RASGRP3: variants seen among roughly 807,000 people sequenced by gnomAD.
RASGRP3 encodes RAS guanyl releasing protein 3, also known as ras guanyl-releasing protein 3.
In RASGRP3, 54 loss-of-function variants were observed where a neutral mutation model predicts 82.7. The observed-to-expected ratio is 0.65, with a 90% CI of 0.52 to 0.82. The LOEUF is 0.82. Among genes scored for constraint, RASGRP3 ranks in the 40% least tolerant of loss-of-function variants. The pLI, the probability that RASGRP3 is intolerant of heterozygous loss-of-function variation, is 0.00. For synonymous variants in RASGRP3, 309 were observed against 300.5 expected (o/e 1.03, Z -0.29); for missense variants, 861 against 828.9 (o/e 1.04, Z -0.48).
At chr2:33,508,443 T>C (rs930320756) in intron 1 of RASGRP3, among the ~76,000 whole-genome samples, 5 of 152,106 alleles carry the variant, frequency 3.3e-5, no homozygotes, top group East Asian at 3.9e-4. Context: ...AAGGGATCCA[T>C]GCACAGGTGG....
rs139952399 is a variant in RASGRP3, at chr2:33,535,793, A to G, written c.1161+1393A>G. ...AGCAAGAGTAAGAAAGCTAGCAAGA[A>G]AGCCAAAGCTATTGAAAACCAAAAA... is the stretch of plus-strand genomic sequence containing the variant. On this transcript the variant is annotated intron_variant, in intron 11 of 17. Transcript: ENST00000403687. 2.1e-3 allele frequency among the ~76,000 whole-genome samples: 324 copies of G among 152,362 alleles called. 2 individuals carry two copies. Among genetic ancestry groups the G allele is most frequent in the African/African-American group, 7.5e-3 (310 of 41,580 alleles).
At position 33,499,949 on chromosome 2, in the gene RASGRP3, G is replaced by A. The variant is rs72865987; in HGVS notation, c.-260-11761G>A. On this transcript the variant is annotated intron_variant, in intron 1 of 17. Transcript: ENST00000403687. Reference sequence around the variant, plus strand: ...TCTTAAGCCATTGGAGAGACCGACAGAACCATTCAGTAACATAAATTTTAC... The same window carrying A: ...TCTTAAGCCATTGGAGAGACCGACAAAACCATTCAGTAACATAAATTTTAC... 4.5e-3 allele frequency among the ~76,000 whole-genome samples: 679 copies of A among 152,228 alleles called. 3 individuals carry two copies. The highest frequency in any genetic ancestry group is 0.016 in the African/African-American group (654 of 41,502).
chr2:33,490,160 TCTTC>T (rs562306850), intron 1 of RASGRP3, among the ~76,000 whole-genome samples: 28 of 152,372 alleles, frequency 1.8e-4, no homozygotes, highest in African/African-American at 6.7e-4. Context: ...GGTTATCTTC[TCTTC>T]CTTCTGAGTT....
chr2:33,436,974 G>A (rs1389212344), intron 1 of RASGRP3, among the ~76,000 whole-genome samples: 1 of 151,984 alleles, frequency 6.6e-6, no homozygotes, highest in African/African-American at 2.4e-5. Context: ...ATGAATAATA[G>A]TTTAGAATAC....
intron 13 of RASGRP3, among the ~76,000 whole-genome samples, chr2:33,546,250 T>C (rs1171455405): frequency 1.3e-5 from 2 of 151,750 alleles, no homozygotes; most frequent in African/African-American, 2.4e-5. Context: ...GGTGAAACTC[T>C]GTCTCTACTA....
intron 2 of RASGRP3, among the ~76,000 whole-genome samples, chr2:33,463,920 A>G (rs1476797567): frequency 6.6e-6 from 1 of 151,270 alleles, no homozygotes; most frequent in Admixed American, 6.6e-5. Flanking sequence ...TTTTATTTGT[A>G]CATGTGCATA....
intron 2 of RASGRP3, among the ~76,000 whole-genome samples, chr2:33,459,736 T>C (rs1666254978): frequency 6.6e-6 from 1 of 152,148 alleles, no homozygotes; most frequent in African/African-American, 2.4e-5. Context: ...ATAAATGCAA[T>C]GAAGCCAGCT....
intron 2 of RASGRP3, among the ~76,000 whole-genome samples, chr2:33,455,206 T>C (rs956321733): frequency 6.6e-5 from 10 of 152,236 alleles, no homozygotes; most frequent in Non-Finnish European, 1.5e-4. Context: ...CCATATATTA[T>C]GGTTTTTCAA....
At chr2:33,460,547 C>G (rs1000307079) in intron 2 of RASGRP3, among the ~76,000 whole-genome samples, 3 of 148,392 alleles carry the variant, frequency 2.0e-5, no homozygotes, top group African/African-American at 5.0e-5. Context: ...CAGAGTCTTG[C>G]TCTGTCACCC....
intron 10 of RASGRP3, among the ~76,000 whole-genome samples, chr2:33,528,496 A>G (rs968663257): frequency 2.0e-5 from 3 of 152,232 alleles, no homozygotes; most frequent in Admixed American, 6.5e-5. Flanking sequence ...TAGAGGTGCA[A>G]CTTCCCTGTT....
rs958014490 is a variant in RASGRP3 at position 33,563,819 on chromosome 2, C to G, written c.*1082C>G. The stretch of plus-strand genomic sequence containing the variant: ...ATATTTGATTAACATTTCATTTAAG[C>G]TTTTAAAATATCAATTTTTTAAATA... On this transcript the variant is annotated 3_prime_UTR_variant, in exon 18 of 18. Coordinates refer to ENST00000403687, the MANE Select transcript of RASGRP3 (RefSeq NM_001139488.2). 2.6e-5 allele frequency: 4 copies of G among 152,104 alleles called. No individual in the cohort carries two copies. Among genetic ancestry groups the G allele is most frequent in the African/African-American group, 9.7e-5 (4 of 41,424 alleles). 9.4% of individuals were successfully genotyped at this position (152,104 alleles called of 1,614,324 possible). A position where few individuals can be genotyped will look rare whatever the true frequency, so the allele number is the denominator to read the frequency against.
At chr2:33,537,520 G>T (rs543939849) in intron 11 of RASGRP3, among the ~76,000 whole-genome samples, 1 of 151,738 alleles carries the variant, frequency 6.6e-6, no homozygotes, top group Admixed American at 6.6e-5. Context: ...CACCACATCC[G>T]GCTAATTTTT....
At chr2:33,493,732 T>A (rs1669062565) in intron 1 of RASGRP3, among the ~76,000 whole-genome samples, 1 of 151,744 alleles carries the variant, frequency 6.6e-6, no homozygotes, top group Non-Finnish European at 1.5e-5. Context: ...CCTGCTATCA[T>A]TTTAGACCAA....
intron 1 of RASGRP3, among the ~76,000 whole-genome samples, chr2:33,487,968 A>G (rs111331394): frequency 1.3e-5 from 2 of 152,204 alleles, no homozygotes; most frequent in Non-Finnish European, 2.9e-5. Flanking sequence ...TCACGTATAT[A>G]TGTATATTAC....
At chr2:33,443,524 T>C (rs1174311520) in intron 1 of RASGRP3, among the ~76,000 whole-genome samples, 1 of 152,088 alleles carries the variant, frequency 6.6e-6, no homozygotes, top group East Asian at 1.9e-4. Context: ...TGGAGTAAAA[T>C]TCGGCAGCAG....
intron 4 of RASGRP3, among the ~76,000 whole-genome samples, chr2:33,518,764 G>A (rs1184749362): frequency 6.6e-6 from 1 of 151,410 alleles, no homozygotes; most frequent in African/African-American, 2.4e-5. Flanking sequence ...AGAAACACAC[G>A]CATTAGCCTA....
At chr2:33,468,272 TATA>T (rs1666842384) in intron 2 of RASGRP3, among the ~76,000 whole-genome samples, 1 of 152,184 alleles carries the variant, frequency 6.6e-6, no homozygotes, top group African/African-American at 2.4e-5. Flanking sequence ...AAATTTGATA[TATA>T]ATGTTTCAGA....
At chr2:33,528,875 C>A (rs1672828636) in intron 10 of RASGRP3, among the ~76,000 whole-genome samples, 1 of 152,178 alleles carries the variant, frequency 6.6e-6, no homozygotes, top group African/African-American at 2.4e-5. Flanking sequence ...ATAATCCAAG[C>A]ACCTGCATTT....
chr2:33,509,555 T>G (rs534218000), intron 1 of RASGRP3, among the ~76,000 whole-genome samples: 1 of 152,358 alleles, frequency 6.6e-6, no homozygotes, highest in Non-Finnish European at 1.5e-5. Context: ...CCATAACACT[T>G]TAGTCATTGT....
Sources: gnomAD v4.1 joint callset for allele counts (sites outside exome capture counted in the v4.1 genomes callset) on GRCh38, gnomAD v4.1.1 for gene constraint, MANE v1.5 for transcripts, NCBI Gene and HGNC (gene_info 2026-07-23, HGNC 2026-07-21) for gene names.